Variants in RBM11 observed in about 807,000 individuals in gnomAD.
RBM11 encodes the protein splicing regulator RBM11.
Under a neutral mutation model 21.4 loss-of-function variants are expected in RBM11, and 18 were observed. The observed-to-expected ratio is 0.84, with a 90% CI of 0.58 to 1.25. The LOEUF (loss-of-function observed/expected upper bound fraction) is 1.25. RBM11 is among the 50% of genes most tolerant of loss of function. RBM11 has a pLI of 0.00. For missense variants in RBM11, 294 were observed against 331.9 expected, an observed-to-expected ratio of 0.89 and a Z score of 0.89; for synonymous variants, 120 against 116.3, an observed-to-expected ratio of 1.03 and a Z score of -0.20.
intron 1 of RBM11, among the ~76,000 whole-genome samples, chr21:14,218,877 C>A (rs1978425449): frequency 6.6e-6 from 1 of 151,972 alleles, no homozygotes; most frequent in Non-Finnish European, 1.5e-5. Context: ...ATAGGTTTTT[C>A]TATCAATATA....
intron 3 of RBM11, among the ~76,000 whole-genome samples, chr21:14,222,437 A>T (rs1978753297): frequency 6.6e-6 from 1 of 152,070 alleles, no homozygotes; most frequent in South Asian, 2.1e-4. Context: ...TCTCAAGTAA[A>T]CTAACAATAG....
intron 3 of RBM11, among the ~76,000 whole-genome samples, chr21:14,222,081 G>A (rs1978711159): frequency 6.6e-6 from 1 of 151,926 alleles, no homozygotes; most frequent in Non-Finnish European, 1.5e-5. Context: ...GCTTCTCTTT[G>A]CATTCTCTTT....
intron 3 of RBM11, among the ~76,000 whole-genome samples, chr21:14,222,251 GAAT>G (rs1978735278): frequency 6.6e-6 from 1 of 151,704 alleles, no homozygotes; most frequent in Non-Finnish European, 1.5e-5. Context: ...TAGAGGAGAG[GAAT>G]AGATATACTC....
chr21:14,225,235 C>T (rs1978993616), intron 4 of RBM11, among the ~76,000 whole-genome samples: 1 of 152,168 alleles, frequency 6.6e-6, no homozygotes, highest in South Asian at 2.1e-4. Context: ...AAGTAAATTT[C>T]TCCTTTTAAT....
intron 4 of RBM11, among the ~76,000 whole-genome samples, chr21:14,225,802 C>G (rs1979038670): frequency 6.6e-6 from 1 of 152,014 alleles, no homozygotes; most frequent in Non-Finnish European, 1.5e-5. Context: ...CATGGTATCT[C>G]TATTAATCTT....
rs199559953 is a variant in RBM11 at position 14,216,217 on chromosome 21, A to G, written c.31A>G (p.Thr11Ala). Residue 11 changes from threonine (T) to alanine (A), a missense_variant, in exon 1 of 5, where the codon ACC becomes GCC. Thr to Ala is a moderately conservative substitution (Grantham distance 58). Coordinates refer to ENST00000400577, the MANE Select transcript of RBM11 (RefSeq NM_144770.5). MFPAQEEADR[T>A]VFVGNLEARV... ...CCCTGCTCAGGAGGAGGCCGACAGG[A>G]CCGTGTTTGTTGGGAATTTAGAGGC... 1.9e-6 allele frequency: 3 copies of G among 1,613,680 alleles called. No homozygotes were observed. In the Admixed American group the frequency reaches 5.0e-5, roughly 27 times the overall value.
Position 14,228,163 on chromosome 21 carries a change from T to C in RBM11, c.*870T>C, listed in dbSNP as rs1186812525. ...TATTTATTTTAGAAGAAAAATAAAA[T>C]TATTTGGGCATTTTTGTTTATAGCT... On this transcript the variant is annotated 3_prime_UTR_variant, in exon 5 of 5. Transcript: ENST00000400577. 6.6e-6 allele frequency: 1 copy of C among 152,112 alleles called. No individual in the cohort carries two copies. Among genetic ancestry groups the C allele is most frequent in the African/African-American group, 2.4e-5 (1 of 41,426 alleles). 9.4% of individuals were successfully genotyped at this position (152,112 alleles called of 1,614,324 possible). A position where few individuals can be genotyped will look rare whatever the true frequency, so the allele number is the denominator to read the frequency against.
At chr21:14,224,071 T>A (rs1320787841) in intron 3 of RBM11, among the ~76,000 whole-genome samples, 3 of 152,116 alleles carry the variant, frequency 2.0e-5, no homozygotes, top group Non-Finnish European at 2.9e-5. Context: ...AACAAACAGG[T>A]ATTGTGTTAT....
Position 14,227,579 on chromosome 21 carries a change from A to G in RBM11, c.*286A>G, listed in dbSNP as rs904896200. The G allele has an allele frequency of 5.5e-6, 2 of 360,626 alleles. No individual in the cohort carries two copies. Among genetic ancestry groups the G allele is most frequent in the East Asian group, 5.4e-5 (1 of 18,542 alleles). 22.3% of individuals were successfully genotyped at this position (360,626 alleles called of 1,614,324 possible). A position where few individuals can be genotyped will look rare whatever the true frequency, so the allele number is the denominator to read the frequency against. On this transcript the variant is annotated 3_prime_UTR_variant, in exon 5 of 5. Transcript: ENST00000400577. ...ACCAATGATGAAATTTCACCAAACT[A>G]TTAATCAAAAGTCACTTATTGAACA...
intron 1 of RBM11, among the ~76,000 whole-genome samples, chr21:14,217,355 A>G (rs1390611344): frequency 6.6e-6 from 1 of 152,166 alleles, no homozygotes; most frequent in African/African-American, 2.4e-5. Flanking sequence ...ATCAAGAGAA[A>G]TCAATAGTTA....
chr21:14,224,386 T>C (rs1423029666), intron 3 of RBM11, 52 bp from the exon 4 acceptor site: 7 of 1,517,084 alleles, frequency 4.6e-6, no homozygotes, highest in Non-Finnish European at 6.2e-6. Flanking sequence ...GAAAATGACA[T>C]TTGTAATAGG....
In RBM11 at chr21:14,227,008, T is replaced by C. The variant is rs755211114; in HGVS notation, c.561T>C (p.Tyr187=). 1.2e-6 allele frequency: 2 copies of C among 1,613,710 alleles called. No homozygotes were observed. Among genetic ancestry groups the C allele is most frequent in the East Asian group, 4.5e-5 (2 of 44,854 alleles). The part of the protein sequence containing the change: ...VPDLEAGPSS[Y]KWTHQQPSDS... Reference sequence around the variant, plus strand: ...ATCTTGAGGCTGGACCCAGCTCATATAAATGGACTCACCAACAACCAAGTG... The same window carrying C: ...ATCTTGAGGCTGGACCCAGCTCATACAAATGGACTCACCAACAACCAAGTG... The change falls in exon 5 of 5, where the codon TAT becomes TAC. Residue 187 remains tyrosine, a synonymous_variant. Coordinates refer to ENST00000400577, the MANE Select transcript of RBM11 (RefSeq NM_144770.5).
chr21:14,218,089 T>C (rs867716265), intron 1 of RBM11, among the ~76,000 whole-genome samples: 2 of 152,194 alleles, frequency 1.3e-5, no homozygotes, highest in African/African-American at 2.4e-5. Flanking sequence ...CAGCAAAACT[T>C]GACAACTATC....
chr21:14,226,649 T>C (rs1979112600), intron 4 of RBM11, among the ~76,000 whole-genome samples: 1 of 151,480 alleles, frequency 6.6e-6, no homozygotes, highest in South Asian at 2.1e-4. Flanking sequence ...ACAAAAACTA[T>C]TTCCATTGGA....
At chr21:14,220,919 T>C (rs1012231203) in intron 2 of RBM11, among the ~76,000 whole-genome samples, 178 bp from the exon 3 acceptor site, 1 of 152,172 alleles carries the variant, frequency 6.6e-6, no homozygotes, top group Non-Finnish European at 1.5e-5. Flanking sequence ...ATATATATAG[T>C]ACTGTAAACA....
chr21:14,223,996 G>A (rs895905117), intron 3 of RBM11, among the ~76,000 whole-genome samples: 2 of 152,028 alleles, frequency 1.3e-5, no homozygotes, highest in Admixed American at 6.6e-5. Context: ...ACCATGAGCC[G>A]AAATACATCT....
At position 14,227,153 on chromosome 21, in the gene RBM11, C is replaced by T; in HGVS notation, c.706C>T (p.Pro236Ser). Reference sequence around the variant, plus strand: ...CTCATATAAATGGACTCACCAACAACCAAGTGACTCTGACCTTTATCAGAT... The same window carrying T: ...CTCATATAAATGGACTCACCAACAATCAAGTGACTCTGACCTTTATCAGAT... ...PSSYKWTHQQ[P>S]SDSDLYQMNK... Residue 236 changes from proline (P) to serine (S), a missense_variant, in exon 5 of 5, where the codon CCA (proline) becomes TCA (serine). This residue lies in a region of RBM11 where 113 missense variants were observed against 167.3 expected (regional missense o/e 0.68). Coordinates refer to ENST00000400577, the MANE Select transcript of RBM11 (RefSeq NM_144770.5). 1 of 1,613,978 alleles carries T rather than the reference C, an allele frequency of 6.2e-7. No individual in the cohort carries two copies. The highest frequency in any genetic ancestry group is 8.5e-7 in the Non-Finnish European group (1 of 1,179,902).
intron 2 of RBM11, among the ~76,000 whole-genome samples, chr21:14,220,352 C>G (rs1388780410): frequency 2.0e-5 from 3 of 152,172 alleles, no homozygotes; most frequent in Non-Finnish European, 4.4e-5. Context: ...CTAGCTCTTT[C>G]ATGTTTCAGG....
chr21:14,218,722 G>A (rs1446563663), intron 1 of RBM11, among the ~76,000 whole-genome samples: 1 of 152,066 alleles, frequency 6.6e-6, no homozygotes, highest in Non-Finnish European at 1.5e-5. Flanking sequence ...ATTAAAGTCT[G>A]AACCATTCAG....
Sources: allele counts gnomAD v4.1 joint callset (sites outside exome capture counted in the v4.1 genomes callset), GRCh38; gene constraint gnomAD v4.1.1; regional missense constraint gnomAD v4.1.1; transcripts MANE v1.5; gene names NCBI Gene and HGNC (gene_info 2026-07-23, HGNC 2026-07-21).